Variants in PCDH17 observed in about 807,000 individuals in gnomAD.
PCDH17 encodes protocadherin 17.
A neutral mutation model predicts 67.7 loss-of-function variants in PCDH17; 21 were observed. That is an observed-to-expected ratio of 0.31 (90% CI 0.22 to 0.45). The LOEUF (loss-of-function observed/expected upper bound fraction) is 0.45, where lower values mean the gene tolerates loss of function less well. Ranked by LOEUF, PCDH17 falls within the 20% of genes least tolerant of loss-of-function variation. The probability of loss-of-function intolerance (pLI) is 1.00; values close to 1 mark genes in which losing one functional copy is unlikely to be tolerated. For synonymous variants in PCDH17, 701 were observed against 656.7 expected, an observed-to-expected ratio of 1.07 and a Z score of -1.03; for missense variants, 1,471 against 1,564.8, an observed-to-expected ratio of 0.94 and a Z score of 1.01.
At chr13:57,641,553 T>G in intron 1 of PCDH17, among the ~76,000 whole-genome samples, 1 of 74,858 alleles carries the variant, frequency 1.3e-5, no homozygotes, top group Non-Finnish European at 2.4e-5. Context: ...AGACAGTGTT[T>G]GAGAGAAAAA....
At chr13:57,640,116 A>T (rs1268962817) in intron 1 of PCDH17, among the ~76,000 whole-genome samples, 1 of 151,964 alleles carries the variant, frequency 6.6e-6, no homozygotes, top group East Asian at 1.9e-4. Flanking sequence ...AATTTCAGGT[A>T]ATATTTAATC....
At chr13:57,683,446 T>C (rs1464065390) in intron 3 of PCDH17, among the ~76,000 whole-genome samples, 3 of 151,888 alleles carry the variant, frequency 2.0e-5, no homozygotes, top group African/African-American at 7.2e-5. Context: ...ATGACTCCTT[T>C]ACTTGAAATA....
In PCDH17 at chr13:57,634,026, G is replaced by T. The variant is rs958427962; in HGVS notation, c.1480G>T (p.Val494Leu). 6.2e-7 allele frequency: 1 copy of T among 1,613,440 alleles called. No individual in the cohort carries two copies. The highest frequency in any genetic ancestry group is 8.5e-7 in the Non-Finnish European group (1 of 1,180,020). The change falls in exon 1 of 4, where the codon GTG becomes TTG. Residue 494 changes from valine to leucine, a missense_variant. Transcript: ENST00000377918. The surrounding 1 kb of genome is among the most constrained non-coding windows in gnomAD (Gnocchi z 7.8). The stretch of plus-strand genomic sequence containing the variant: ...CATCCCGGGAGAGTACCTGGGCTCT[G>T]TGCTCGCCCAGGATCCCGACCTGGG... ...NNIPGEYLGS[V>L]LAQDPDLGQN...
At chr13:57,723,369 A>G (rs1189857066) in intron 3 of PCDH17, among the ~76,000 whole-genome samples, 2 of 152,172 alleles carry the variant, frequency 1.3e-5, no homozygotes, top group East Asian at 1.9e-4. Context: ...TGCTTTAAGT[A>G]TAAATTTAGG....
Position 57,727,707 on chromosome 13 carries a change from G to A in PCDH17, c.*2413G>A, listed in dbSNP as rs1422795476. ...TTTGGACAATTTATGTATCTGAAATGTGTTGTCTCTGTTATATGATGTTAT... is the reference window on the plus strand; with the variant it reads ...TTTGGACAATTTATGTATCTGAAATATGTTGTCTCTGTTATATGATGTTAT... On this transcript the variant is annotated 3_prime_UTR_variant, in exon 4 of 4. Transcript: ENST00000377918. The A allele has an allele frequency of 2.0e-5, 3 of 152,100 alleles. No individual in the cohort carries two copies. Among genetic ancestry groups the A allele is most frequent in the African/African-American group, 4.8e-5 (2 of 41,440 alleles). The allele number at this position is 152,100 out of a possible 1,614,324, so 9.4% of individuals were successfully genotyped here.
chr13:57,655,159 A>G (rs928641645), intron 1 of PCDH17, among the ~76,000 whole-genome samples: 2 of 151,630 alleles, frequency 1.3e-5, no homozygotes, highest in African/African-American at 4.8e-5. Flanking sequence ...CTTGAACTTC[A>G]TTTTATTTTG....
intron 3 of PCDH17, among the ~76,000 whole-genome samples, chr13:57,667,039 A>G (rs1955264193): frequency 6.6e-6 from 1 of 152,188 alleles, no homozygotes; most frequent in Non-Finnish European, 1.5e-5. Context: ...GGTATCATTC[A>G]TTAATCCTAA....
intron 3 of PCDH17, among the ~76,000 whole-genome samples, chr13:57,718,877 A>T (rs578130673): frequency 6.6e-6 from 1 of 152,142 alleles, no homozygotes; most frequent in East Asian, 1.9e-4. Flanking sequence ...AAAGGCCATA[A>T]AATCAAGCTG....
chr13:57,691,892 G>T (rs757326942), intron 3 of PCDH17, among the ~76,000 whole-genome samples: 3 of 150,926 alleles, frequency 2.0e-5, no homozygotes, highest in Non-Finnish European at 3.0e-5. Context: ...CTTTATTTTT[G>T]AATTGAAGGC....
intron 3 of PCDH17, among the ~76,000 whole-genome samples, chr13:57,680,935 A>C (rs2138047544): frequency 6.6e-6 from 1 of 151,928 alleles, no homozygotes; most frequent in Middle Eastern, 3.4e-3. Flanking sequence ...AATATACAAC[A>C]AACCATATGA....
At chr13:57,697,733 G>C (rs1029068862) in intron 3 of PCDH17, among the ~76,000 whole-genome samples, 1 of 150,830 alleles carries the variant, frequency 6.6e-6, no homozygotes, top group Non-Finnish European at 1.5e-5. Flanking sequence ...CACAGACTAT[G>C]TATCTTTAAT....
intron 1 of PCDH17, among the ~76,000 whole-genome samples, chr13:57,656,768 G>A (rs1331751497): frequency 1.3e-5 from 2 of 152,286 alleles, no homozygotes; most frequent in Non-Finnish European, 2.9e-5. Flanking sequence ...AAAAAGGGAA[G>A]ACTAAGTTTT....
At chr13:57,673,335 A>C (rs540540846) in intron 3 of PCDH17, among the ~76,000 whole-genome samples, 2 of 152,088 alleles carry the variant, frequency 1.3e-5, no homozygotes, top group South Asian at 4.1e-4. Context: ...GGAAAGGCCT[A>C]CTCAAGACTT....
chr13:57,632,936 C>T lies in PCDH17; in HGVS notation c.390C>T (p.Pro130=), dbSNP rs751268818. The change falls in exon 1 of 4, where the codon CCC becomes CCT. Residue 130 remains proline, a synonymous_variant. Coordinates refer to ENST00000377918, the MANE Select transcript of PCDH17 (RefSeq NM_001040429.3). ...VEIQDINDNA[P]SFSSDQIEMD... Reference sequence around the variant, plus strand: ...TCCAGGACATCAACGACAACGCGCCCTCCTTCTCCTCGGACCAGATCGAAA... The same window carrying T: ...TCCAGGACATCAACGACAACGCGCCTTCCTTCTCCTCGGACCAGATCGAAA... 1 of 1,614,004 alleles carries T rather than the reference C, an allele frequency of 6.2e-7. No individual in the cohort carries two copies.
chr13:57,661,624 A>AAGAG (rs201990398), intron 1 of PCDH17, among the ~76,000 whole-genome samples: 5 of 151,858 alleles, frequency 3.3e-5, no homozygotes, highest in African/African-American at 1.2e-4. Flanking sequence ...GAGGGAGAGA[A>AAGAG]AGAGAGAGAG....
At position 57,633,003 on chromosome 13, in the gene PCDH17, C is replaced by G. The variant is rs1479280322; in HGVS notation, c.457C>G (p.Leu153Val). Reference sequence around the variant, plus strand: ...CGCTGCTCCGGGCACCCGCTTCCCCCTCACCAGCGCACATGACCCCGACGC... The same window carrying G: ...CGCTGCTCCGGGCACCCGCTTCCCCGTCACCAGCGCACATGACCCCGACGC... Reference protein sequence around the residue: ...ENAAPGTRFPLTSAHDPDAGE... With the variant: ...ENAAPGTRFPVTSAHDPDAGE... Residue 153 changes from leucine (L) to valine (V), a missense_variant, in exon 1 of 4, where the codon CTC (leucine) becomes GTC (valine). Leu to Val is a conservative substitution (Grantham distance 32). This residue lies in a region of PCDH17 where 1,163 missense variants were observed against 1,230.0 expected (regional missense o/e 0.95). Transcript: ENST00000377918. This position sits in a 1 kb window ranked among gnomAD's most constrained non-coding sequence, Gnocchi z 6.2. The G allele has an allele frequency of 6.2e-7, 1 of 1,613,068 alleles. No individual in the cohort carries two copies. Among genetic ancestry groups the G allele is most frequent in the African/African-American group, 1.3e-5 (1 of 74,906 alleles).
chr13:57,666,140 A>T (rs1217862083), intron 1 of PCDH17, among the ~76,000 whole-genome samples: 10 of 152,156 alleles, frequency 6.6e-5, no homozygotes. Context: ...AAATTAGGTT[A>T]TTTTCCCACT....
intron 1 of PCDH17, among the ~76,000 whole-genome samples, chr13:57,646,399 T>C (rs1183695140): frequency 6.6e-6 from 1 of 151,730 alleles, no homozygotes; most frequent in Non-Finnish European, 1.5e-5. Flanking sequence ...TGAAATGGTT[T>C]ACTGGTTTTT....
chr13:57,632,652 G>C lies in PCDH17; in HGVS notation c.106G>C (p.Gly36Arg), dbSNP rs1350286642. Residue 36 changes from glycine (G) to arginine (R), a missense_variant, in exon 1 of 4, where the codon GGG becomes CGG. By Grantham distance (125) the Gly-to-Arg change is moderately radical. This residue lies in a region of PCDH17 where 1,163 missense variants were observed against 1,230.0 expected (regional missense o/e 0.95). Transcript: ENST00000377918. Reference sequence around the variant, plus strand: ...GGAGCAAGGGGCCGGCACGGTGATCGGGAACATCGGCAGGGATGCTCGACT... The same window carrying C: ...GGAGCAAGGGGCCGGCACGGTGATCCGGAACATCGGCAGGGATGCTCGACT... ...PEEQGAGTVI[G>R]NIGRDARLQP... is the part of the protein sequence containing the mutation. The C allele has an allele frequency of 1.2e-6, 2 of 1,612,882 alleles. No homozygotes were observed. The highest frequency in any genetic ancestry group is 1.7e-6 in the Non-Finnish European group (2 of 1,179,952).
Sources: gnomAD v4.1 joint callset for allele counts (sites outside exome capture counted in the v4.1 genomes callset) on GRCh38, gnomAD v4.1.1 for gene constraint, gnomAD v4.1.1 regional missense constraint, Gnocchi (gnomAD v3.1) non-coding constraint, MANE v1.5 for transcripts, NCBI Gene and HGNC (gene_info 2026-07-23, HGNC 2026-07-21) for gene names.